Variants in MSI2 observed in about 807,000 individuals in gnomAD.
The protein encoded by MSI2 is RNA-binding protein Musashi homolog 2.
A neutral mutation model predicts 45.6 loss-of-function variants in MSI2; 17 were observed. The observed-to-expected ratio is 0.37, with a 90% CI of 0.26 to 0.56. The LOEUF is 0.56. MSI2 is among the 20% of genes least tolerant of loss of function. MSI2 has a pLI of 0.77. For synonymous variants in MSI2, 156 were observed against 158.2 expected (o/e 0.99, Z 0.11); for missense variants, 293 against 444.2 (o/e 0.66, Z 3.06).
chr17:57,526,356 G>GGGGTGTGTGTGTGTGT (rs1342100756), intron 6 of MSI2, among the ~76,000 whole-genome samples: 9 of 122,608 alleles, frequency 7.3e-5, no homozygotes, highest in African/African-American at 2.6e-4. Flanking sequence ...GATATACCTG[G>GGGGTGTGTGTGTGTGT]GTGTGTGTGT....
At chr17:57,294,578 C>T (rs998145928) in intron 5 of MSI2, 3 of 152,248 alleles carry the variant, frequency 2.0e-5, no homozygotes, top group African/African-American at 7.2e-5. Flanking sequence ...TGATTGGTAA[C>T]ATCTCAGGGT....
At chr17:57,666,482 C>A (rs1164923200) in intron 11 of MSI2, among the ~76,000 whole-genome samples, 2 of 152,226 alleles carry the variant, frequency 1.3e-5, no homozygotes, top group Non-Finnish European at 2.9e-5. Flanking sequence ...GTGCTTCTTG[C>A]CTCATTGGTT....
chr17:57,686,450 G>T (rs1023352906), downstream of MSI2, among the ~76,000 whole-genome samples: 2 of 152,114 alleles, frequency 1.3e-5, no homozygotes, highest in Non-Finnish European at 2.9e-5. Flanking sequence ...AAATATGAAT[G>T]GGTTGAATTT....
intron 5 of MSI2, among the ~76,000 whole-genome samples, chr17:57,365,652 A>G (rs1432599718): frequency 2.0e-5 from 3 of 152,132 alleles, no homozygotes; most frequent in African/African-American, 4.8e-5. Flanking sequence ...TAGTGAGCTC[A>G]CGGCTCAGTG....
At chr17:57,475,043 A>G (rs1382233331) in intron 6 of MSI2, among the ~76,000 whole-genome samples, 2 of 152,166 alleles carry the variant, frequency 1.3e-5, no homozygotes, top group African/African-American at 2.4e-5. Context: ...ACTTTTGAAT[A>G]CTAAGGTGAT....
chr17:57,531,100 C>T (rs188381100), intron 7 of MSI2, among the ~76,000 whole-genome samples: 5 of 152,198 alleles, frequency 3.3e-5, no homozygotes, highest in East Asian at 1.9e-4. Context: ...AGGTGGTGCC[C>T]GTGGTGGGCA....
At chr17:57,361,234 T>G (rs758261602) in intron 5 of MSI2, among the ~76,000 whole-genome samples, 2 of 152,170 alleles carry the variant, frequency 1.3e-5, no homozygotes, top group African/African-American at 2.4e-5. Context: ...CATCAACAGT[T>G]GATTACACAT....
At chr17:57,549,772 G>T (rs1390285038) in intron 7 of MSI2, among the ~76,000 whole-genome samples, 3 of 152,194 alleles carry the variant, frequency 2.0e-5, no homozygotes, top group African/African-American at 7.2e-5. Flanking sequence ...TTTGACGATA[G>T]CTCCTTGACC....
At chr17:57,364,681 G>C (rs1465782951) in intron 5 of MSI2, among the ~76,000 whole-genome samples, 1 of 152,070 alleles carries the variant, frequency 6.6e-6, no homozygotes, top group Non-Finnish European at 1.5e-5. Context: ...AAGCAACCCA[G>C]CTCCCCCAGA....
intron 6 of MSI2, among the ~76,000 whole-genome samples, chr17:57,463,838 A>G (rs1411715708): frequency 6.6e-6 from 1 of 151,808 alleles, no homozygotes; most frequent in Non-Finnish European, 1.5e-5. Context: ...ATATTATCCA[A>G]CCAGCATCGC....
At chr17:57,324,792 C>G (rs953270118) in intron 5 of MSI2, among the ~76,000 whole-genome samples, 5 of 152,148 alleles carry the variant, frequency 3.3e-5, no homozygotes, top group Non-Finnish European at 7.3e-5. Flanking sequence ...AAGTGCTGTC[C>G]CCACCTCACT....
intron 6 of MSI2, among the ~76,000 whole-genome samples, chr17:57,466,789 A>ATT (rs5821185): frequency 1.2e-4 from 18 of 152,086 alleles, no homozygotes; most frequent in East Asian, 1.9e-4. Flanking sequence ...TTCTTTATTG[A>ATT]TTTTTTTAAG....
chr17:57,491,418 T>C (rs987561539), intron 6 of MSI2, among the ~76,000 whole-genome samples: 28 of 152,204 alleles, frequency 1.8e-4, no homozygotes, highest in Non-Finnish European at 1.9e-4. Context: ...TCAGACTAGC[T>C]GAGGTGCTGG....
At chr17:57,393,979 G>A (rs2083843508) in intron 5 of MSI2, among the ~76,000 whole-genome samples, 1 of 152,200 alleles carries the variant, frequency 6.6e-6, no homozygotes, top group South Asian at 2.1e-4. Flanking sequence ...ACCATGCCCA[G>A]CCTGGTAACA....
At chr17:57,376,634 C>T (rs792365) in intron 5 of MSI2, among the ~76,000 whole-genome samples, 30,173 of 152,066 alleles carry the variant, frequency 0.2, 3,258 homozygotes, top group African/African-American at 0.28. Context: ...AAATAAAAAT[C>T]CTGAGGCCCA....
chr17:57,599,847 G>A (rs1443465509), intron 8 of MSI2, among the ~76,000 whole-genome samples: 1 of 152,178 alleles, frequency 6.6e-6, no homozygotes, highest in African/African-American at 2.4e-5. Flanking sequence ...TGCCTCATTG[G>A]GTTGTTAGAG....
intron 6 of MSI2, among the ~76,000 whole-genome samples, chr17:57,446,564 A>G (rs983860649): frequency 1.3e-5 from 2 of 152,330 alleles, no homozygotes; most frequent in Middle Eastern, 3.4e-3. Flanking sequence ...TTAGGCACCC[A>G]CAGAAGTGCT....
chr17:57,323,748 C>T (rs1206749311), intron 5 of MSI2, among the ~76,000 whole-genome samples: 1 of 152,228 alleles, frequency 6.6e-6, no homozygotes, highest in African/African-American at 2.4e-5. Flanking sequence ...CTGTGGGTGT[C>T]AACGGGGGCA....
Position 57,627,736 on chromosome 17 carries a change from A to C in MSI2, c.727+433A>C, listed in dbSNP as rs1598469778. Reference sequence around the variant, plus strand: ...TCCCCGCCCTTGCTTCCTTTCCTCCACCCCTCCTCCTCCTGCTCCGTCCTG... The same window carrying C: ...TCCCCGCCCTTGCTTCCTTTCCTCCCCCCCTCCTCCTCCTGCTCCGTCCTG... On this transcript the variant is annotated intron_variant, in intron 10 of 13. Transcript: ENST00000284073. The surrounding 1 kb of genome is among the most constrained non-coding windows in gnomAD (Gnocchi z 4.6). The C allele has an allele frequency of 4.1e-5, 8 of 195,762 alleles. No individual in the cohort carries two copies. The highest frequency in any genetic ancestry group is 2.7e-4 in the South Asian group (3 of 10,928). The allele number at this position is 195,762 out of a possible 1,614,324, so 12.1% of individuals were successfully genotyped here.
Sources: gnomAD v4.1 joint callset for allele counts (sites outside exome capture counted in the v4.1 genomes callset) on GRCh38, gnomAD v4.1.1 for gene constraint, Gnocchi (gnomAD v3.1) non-coding constraint, MANE v1.5 for transcripts, NCBI Gene and HGNC (gene_info 2026-07-23, HGNC 2026-07-21) for gene names.